IHO1: variants seen among roughly 807,000 people sequenced by gnomAD.
The protein encoded by IHO1 is interactor of HORMAD1 1.
In IHO1, 13 loss-of-function variants were observed where a neutral mutation model predicts 31.0. The ratio of observed to expected loss-of-function variants is 0.42; its 90% CI spans 0.27 to 0.67. The LOEUF (loss-of-function observed/expected upper bound fraction) is 0.67, where lower values mean the gene tolerates loss of function less well. IHO1 is among the 30% of genes least tolerant of loss of function. IHO1 has a pLI of 0.24. For synonymous variants in IHO1, 221 were observed against 248.4 expected (o/e 0.89, Z 1.04); for missense variants, 599 against 687.5 (o/e 0.87, Z 1.44).
the IHO1 span, among the ~76,000 whole-genome samples, chr3:49,192,018 T>C: frequency 6.6e-6 from 1 of 152,134 alleles, no homozygotes; most frequent in East Asian, 1.9e-4. Flanking sequence ...CCCTTATATA[T>C]AGAAACACAC....
intron 2 of IHO1, among the ~76,000 whole-genome samples, chr3:49,229,400 A>T (rs2046456147): frequency 1.3e-5 from 2 of 152,236 alleles, no homozygotes; most frequent in Non-Finnish European, 2.9e-5. Flanking sequence ...TGCAAGTACA[A>T]ACAGGAGTCA....
chr3:49,255,552 G>A, intron 7 of IHO1, 59 bp downstream of exon 7: 1 of 764,284 alleles, frequency 1.3e-6, no homozygotes. Context: ...TAGACCCAGA[G>A]AGAAACTTTT....
At chr3:49,207,820 G>A (rs1413219103) in intron 1 of IHO1, among the ~76,000 whole-genome samples, 2 of 148,766 alleles carry the variant, frequency 1.3e-5, no homozygotes, top group Admixed American at 6.8e-5. Flanking sequence ...GTCACCCATG[G>A]TGGAGTGCAG....
At chr3:49,218,054 T>C (rs1447221666) in intron 2 of IHO1, among the ~76,000 whole-genome samples, 1 of 152,208 alleles carries the variant, frequency 6.6e-6, no homozygotes, top group Non-Finnish European at 1.5e-5. Flanking sequence ...AGCAGCTTAC[T>C]CTCACACTGG....
upstream of IHO1, among the ~76,000 whole-genome samples, chr3:49,198,046 A>G (rs2046012439): frequency 6.6e-6 from 1 of 152,198 alleles, no homozygotes; most frequent in Admixed American, 6.5e-5. Flanking sequence ...TTTTATATAA[A>G]TGGGATCATA....
intron 2 of IHO1, among the ~76,000 whole-genome samples, chr3:49,226,212 T>C (rs1176931882): frequency 6.6e-6 from 1 of 151,950 alleles, no homozygotes; most frequent in Non-Finnish European, 1.5e-5. Flanking sequence ...CACTTTTCCT[T>C]TTGGGCCTGT....
chr3:49,194,154 G>T (rs1325302539), upstream of IHO1, among the ~76,000 whole-genome samples: 2 of 149,418 alleles, frequency 1.3e-5, no homozygotes, highest in Non-Finnish European at 3.0e-5. Flanking sequence ...TGTAATCCCA[G>T]CTACTCAGGA....
intron 2 of IHO1, among the ~76,000 whole-genome samples, chr3:49,218,376 CTTTTTTTTTTTT>C (rs34312848): frequency 2.8e-5 from 3 of 105,830 alleles, no homozygotes; most frequent in Non-Finnish European, 3.8e-5. Flanking sequence ...CAGTTAATAC[CTTTTTTTTTTTT>C]TTTTTTTTTT....
At chr3:49,196,008 G>C (rs1451364182), upstream of IHO1, among the ~76,000 whole-genome samples, 3 of 151,178 alleles carry the variant, frequency 2.0e-5, no homozygotes, top group Non-Finnish European at 3.0e-5. Context: ...GGTCGAGGCG[G>C]GCGGATCACA....
chr3:49,220,593 C>A (rs1041997336), intron 2 of IHO1, among the ~76,000 whole-genome samples: 10 of 152,060 alleles, frequency 6.6e-5, no homozygotes, highest in Non-Finnish European at 1.5e-4. Flanking sequence ...ACCCAGCCAG[C>A]CATGGTGGCT....
chr3:49,220,274 C>T (rs915271141), intron 2 of IHO1, among the ~76,000 whole-genome samples: 16 of 152,224 alleles, frequency 1.1e-4, no homozygotes, highest in South Asian at 6.2e-4. Context: ...GGGGCATTTC[C>T]GGCTCAGGCA....
chr3:49,233,917 C>T lies in IHO1; in HGVS notation c.57-2631C>T, dbSNP rs185632451. ...GCATGAGCAATCCGTACCTTAAGGA[C>T]ATGTTCCTGCTGCAGATAACTAGCC... On this transcript the variant is annotated intron_variant, in intron 2 of 7. Coordinates refer to ENST00000452691, the MANE Select transcript of IHO1 (RefSeq NM_001135197.2). 2.1e-4 allele frequency among the ~76,000 whole-genome samples: 32 copies of T among 152,302 alleles called. 1 individual carries two copies. Among genetic ancestry groups the T allele is most frequent in the African/African-American group, 3.1e-4 (13 of 41,574 alleles).
chr3:49,193,786 A>AC (rs2045979679), upstream of IHO1, among the ~76,000 whole-genome samples: 1 of 151,356 alleles, frequency 6.6e-6, no homozygotes, highest in Non-Finnish European at 1.5e-5. Context: ...ACATGGTGAA[A>AC]CCCCGTCTCT....
intron 3 of IHO1, 50 bp downstream of exon 3, chr3:49,236,772 G>C (rs2046564759): frequency 2.6e-6 from 4 of 1,534,830 alleles, no homozygotes; most frequent in Non-Finnish European, 3.6e-6. Context: ...AGTCATTATG[G>C]AGATAAACTA....
intron 2 of IHO1, among the ~76,000 whole-genome samples, chr3:49,212,554 T>C (rs1414182750): frequency 6.7e-6 from 1 of 150,298 alleles, no homozygotes; most frequent in African/African-American, 2.4e-5. Flanking sequence ...TCCCATCAGG[T>C]TATAATAATG....
chr3:49,254,203 G>A (rs753823128), intron 6 of IHO1, among the ~76,000 whole-genome samples: 1 of 152,188 alleles, frequency 6.6e-6, no homozygotes, highest in African/African-American at 2.4e-5. Flanking sequence ...TTAAACATTC[G>A]TTGAATAAAT....
At position 49,256,969 on chromosome 3, in the gene IHO1, G is replaced by A; in HGVS notation, c.1472G>A (p.Gly491Glu). The change falls in exon 8 of 8, where the codon GGG (glycine) becomes GAG (glutamate). Residue 491 changes from glycine (G) to glutamate (E), a missense_variant. Transcript: ENST00000452691. The surrounding 1 kb of genome is among the most constrained non-coding windows in gnomAD (Gnocchi z 4.6). ...AISVPQSPFL[G>E]QQEPRAQPLH... ...TCTGTCCCTCAAAGCCCCTTCCTGG[G>A]GCAGCAGGAACCCCGTGCTCAGCCT... The A allele has an allele frequency of 6.2e-7, 1 of 1,614,202 alleles. No individual in the cohort carries two copies. Among genetic ancestry groups the A allele is most frequent in the Non-Finnish European group, 8.5e-7 (1 of 1,180,036 alleles).
At chr3:49,196,109 G>A (rs1196710454), upstream of IHO1, among the ~76,000 whole-genome samples, 2 of 150,218 alleles carry the variant, frequency 1.3e-5, no homozygotes, top group Non-Finnish European at 3.0e-5. Flanking sequence ...TTGGTGGCAG[G>A]TGCCTGTAGT....
intron 3 of IHO1, among the ~76,000 whole-genome samples, chr3:49,239,291 C>CT (rs71077777): frequency 8.1e-5 from 12 of 147,994 alleles, no homozygotes; most frequent in Admixed American, 1.3e-4. Flanking sequence ...TAATTTTTTT[C>CT]TTTTTTTTTT....
Sources: allele counts gnomAD v4.1 joint callset (sites outside exome capture counted in the v4.1 genomes callset), GRCh38; gene constraint gnomAD v4.1.1; non-coding constraint Gnocchi (gnomAD v3.1); transcripts MANE v1.5; gene names NCBI Gene and HGNC (gene_info 2026-07-23, HGNC 2026-07-21).